CLNK: variants seen among roughly 807,000 people sequenced by gnomAD.
CLNK encodes the protein cytokine dependent hematopoietic cell linker, also known as cytokine-dependent hematopoietic cell linker.
In CLNK, 74 loss-of-function variants were observed where a neutral mutation model predicts 68.6. That is an observed-to-expected ratio of 1.08 (90% CI 0.89 to 1.31). The LOEUF is 1.31. Among genes scored for constraint, CLNK ranks in the 50% most tolerant of loss-of-function variants. CLNK has a pLI of 0.00. For synonymous variants in CLNK, 198 were observed against 172.2 expected (o/e 1.15, Z -1.17); for missense variants, 553 against 515.3 (o/e 1.07, Z -0.71).
At chr4:10,590,772 C>G (rs73228237) in intron 3 of CLNK, among the ~76,000 whole-genome samples, 1 of 152,284 alleles carries the variant, frequency 6.6e-6, no homozygotes, top group Non-Finnish European at 1.5e-5. Context: ...TTTCTGCATT[C>G]ATCACCTTCT....
the CLNK span, among the ~76,000 whole-genome samples, chr4:10,703,015 C>G: frequency 1.3e-5 from 2 of 152,028 alleles, no homozygotes; most frequent in African/African-American, 4.8e-5. Context: ...ATATGAGGTG[C>G]GTTTCTTTAT....
At chr4:10,706,541 T>C in the CLNK span, among the ~76,000 whole-genome samples, 3 of 152,216 alleles carry the variant, frequency 2.0e-5, no homozygotes, top group African/African-American at 4.8e-5. Context: ...ATCTGTTTGA[T>C]ATCAGCTGTG....
intron 2 of CLNK, among the ~76,000 whole-genome samples, chr4:10,602,426 A>T (rs1721618962): frequency 6.6e-6 from 1 of 152,308 alleles, no homozygotes; most frequent in East Asian, 1.9e-4. Context: ...AGTGGGCTCT[A>T]AATCTTGGGT....
At chr4:10,518,388 C>G (rs1717924445) in intron 15 of CLNK, among the ~76,000 whole-genome samples, 1 of 152,104 alleles carries the variant, frequency 6.6e-6, no homozygotes, top group Admixed American at 6.5e-5. Context: ...TTATTTTAAG[C>G]AGGTAGTCAA....
chr4:10,592,723 A>G lies in CLNK; in HGVS notation c.83+5255T>C, dbSNP rs533640926. Among the ~76,000 whole-genome samples the G allele has an allele frequency of 1.3e-4, 19 of 151,328 alleles. 1 individual carries two copies. The highest frequency in any genetic ancestry group is 6.8e-3 in the Middle Eastern group (2 of 292). On this transcript the variant is annotated intron_variant, in intron 3 of 18. Coordinates refer to ENST00000226951, the MANE Select transcript of CLNK (RefSeq NM_052964.4). ...TGTTTGTTTGTTTGTTTGTTTATTT[A>G]TTTATTTATTAGTTTCTTTTGAGGC...
At chr4:10,730,288 T>C in the CLNK span, among the ~76,000 whole-genome samples, 1 of 152,184 alleles carries the variant, frequency 6.6e-6, no homozygotes, top group African/African-American at 2.4e-5. Flanking sequence ...TTTCACTAAG[T>C]GATACCAGCA....
At chr4:10,605,023 G>T (rs1340203504) in intron 2 of CLNK, among the ~76,000 whole-genome samples, 2 of 152,180 alleles carry the variant, frequency 1.3e-5, no homozygotes, top group East Asian at 1.9e-4. Flanking sequence ...AAAGACTAGG[G>T]TTTCCTGAAC....
the CLNK span, among the ~76,000 whole-genome samples, chr4:10,708,670 A>G: frequency 2.0e-5 from 3 of 152,218 alleles, no homozygotes; most frequent in African/African-American, 7.2e-5. Context: ...CAGGGAAGGC[A>G]GGGCACATCA....
At chr4:10,534,830 G>A (rs972352761) in intron 11 of CLNK, among the ~76,000 whole-genome samples, 4 of 152,016 alleles carry the variant, frequency 2.6e-5, no homozygotes, top group African/African-American at 4.8e-5. Flanking sequence ...TCCCCCAATA[G>A]CAACAACTTG....
upstream of CLNK, among the ~76,000 whole-genome samples, chr4:10,686,528 G>A (rs1394507876): frequency 4.6e-5 from 7 of 151,334 alleles, no homozygotes; most frequent in African/African-American, 1.7e-4. Flanking sequence ...CTGTTATCTA[G>A]TGGCCAGCTA....
chr4:10,724,044 C>T, the CLNK span, among the ~76,000 whole-genome samples: 2 of 151,930 alleles, frequency 1.3e-5, no homozygotes, highest in South Asian at 2.1e-4. Context: ...ATGCTTTGCG[C>T]GATATTTCAG....
the CLNK span, among the ~76,000 whole-genome samples, chr4:10,700,026 G>GTGTGTGTA: frequency 6.6e-6 from 1 of 151,326 alleles, no homozygotes; most frequent in Non-Finnish European, 1.5e-5. Flanking sequence ...GTGTGTGTGT[G>GTGTGTGTA]TATATATATA....
chr4:10,690,973 A>G, the CLNK span, among the ~76,000 whole-genome samples: 1 of 152,120 alleles, frequency 6.6e-6, no homozygotes, highest in Non-Finnish European at 1.5e-5. Context: ...CAGGATAATG[A>G]AATGAAGAGT....
At chr4:10,613,444 G>C (rs1436294989) in intron 2 of CLNK, among the ~76,000 whole-genome samples, 1 of 152,192 alleles carries the variant, frequency 6.6e-6, no homozygotes. Flanking sequence ...TGCCTGCAGG[G>C]ATGGATGGGG....
intron 2 of CLNK, among the ~76,000 whole-genome samples, chr4:10,621,033 C>T (rs893408729): frequency 6.6e-6 from 1 of 152,022 alleles, no homozygotes; most frequent in African/African-American, 2.4e-5. Context: ...TGGCGTGAAC[C>T]CGGGAGACAG....
intron 1 of CLNK, among the ~76,000 whole-genome samples, chr4:10,678,643 A>T (rs571508377): frequency 6.6e-6 from 1 of 152,134 alleles, no homozygotes; most frequent in Non-Finnish European, 1.5e-5. Context: ...TCTCAGCCCA[A>T]AATCTCCTTA....
chr4:10,526,029 T>G, intron 13 of CLNK, 107 bp from the exon 14 acceptor site: 1 of 657,310 alleles, frequency 1.5e-6, no homozygotes, highest in Non-Finnish European at 2.7e-6. Context: ...AATCTCTGAT[T>G]ATTAGAAGGG....
intron 2 of CLNK, among the ~76,000 whole-genome samples, chr4:10,642,905 C>T (rs764052172): frequency 1.6e-4 from 25 of 152,220 alleles, no homozygotes; most frequent in Middle Eastern, 3.4e-3. Flanking sequence ...AGCCATAAGT[C>T]GCCATTTTTT....
At chr4:10,643,833 C>T (rs1394446779) in intron 2 of CLNK, among the ~76,000 whole-genome samples, 1 of 152,210 alleles carries the variant, frequency 6.6e-6, no homozygotes, top group African/African-American at 2.4e-5. Flanking sequence ...TCTTATGTTC[C>T]TCAATTATTT....
Sources: gnomAD v4.1 joint callset for allele counts (sites outside exome capture counted in the v4.1 genomes callset) on GRCh38, gnomAD v4.1.1 for gene constraint, MANE v1.5 for transcripts, NCBI Gene and HGNC (gene_info 2026-07-23, HGNC 2026-07-21) for gene names.